Variants in USH2A observed in about 807,000 individuals in gnomAD.
USH2A encodes Usher syndrome 2A (autosomal recessive, mild).
In USH2A, 443 loss-of-function variants were observed where a neutral mutation model predicts 538.9. The ratio of observed to expected loss-of-function variants is 0.82; its 90% CI spans 0.76 to 0.89. USH2A has a LOEUF of 0.89. Ranked by LOEUF, USH2A falls within the 40% of genes least tolerant of loss-of-function variation. The pLI, the probability that USH2A is intolerant of heterozygous loss-of-function variation, is 0.00. For synonymous variants in USH2A, 2,413 were observed against 2,273.5 expected, an observed-to-expected ratio of 1.06 and a Z score of -1.75; for missense variants, 6,633 against 6,324.8, an observed-to-expected ratio of 1.05 and a Z score of -1.65.
At chr1:215,646,740 T>C (rs1317573384) in intron 67 of USH2A, among the ~76,000 whole-genome samples, 1 of 152,180 alleles carries the variant, frequency 6.6e-6, no homozygotes, top group Admixed American at 6.5e-5. Context: ...TTGGTCAGGC[T>C]GGTCTCGAAC....
chr1:215,944,325 C>T (rs1401901364), intron 37 of USH2A, among the ~76,000 whole-genome samples: 1 of 152,052 alleles, frequency 6.6e-6, no homozygotes, highest in Non-Finnish European at 1.5e-5. Flanking sequence ...AAAAGATTTG[C>T]CAACCTCTGA....
At chr1:216,126,458 C>T (rs565462687) in intron 21 of USH2A, among the ~76,000 whole-genome samples, 35 of 152,216 alleles carry the variant, frequency 2.3e-4, no homozygotes, top group African/African-American at 7.5e-4. Flanking sequence ...CTCCTGACCT[C>T]GTGATCTGCC....
Position 215,647,496 on chromosome 1 carries a change from T to C in USH2A, c.14791+26A>G, listed in dbSNP as rs768974309. On this transcript the variant is annotated intron_variant, in intron 67 of 71. Transcript: ENST00000307340. ...CTGACCACATTCCAATCTCTCTGGC[T>C]TATGGTAGCAGCCACTTATACTCAC... is the stretch of plus-strand genomic sequence containing the variant. 5.0e-6 allele frequency: 8 copies of C among 1,612,924 alleles called. 1 individual carries two copies. In the South Asian group the frequency reaches 8.8e-5, roughly 18 times the overall value.
chr1:216,107,221 A>G (rs1205481603), intron 21 of USH2A, among the ~76,000 whole-genome samples: 1 of 151,874 alleles, frequency 6.6e-6, no homozygotes. Flanking sequence ...AAGTACTAAG[A>G]AAGTCATTTA....
chr1:216,208,218 C>T lies in USH2A; in HGVS notation c.3158-787G>A, dbSNP rs190805882. ...AATACGCAAAGATAAAGGAGAAAAA[C>T]AACAGCTAAATATTTTTAGGGACAA... On this transcript the variant is annotated intron_variant, in intron 15 of 71. Coordinates refer to ENST00000307340, the MANE Select transcript of USH2A (RefSeq NM_206933.4). Among the ~76,000 whole-genome samples, 155 of 151,964 alleles carry T rather than the reference C, an allele frequency of 1.0e-3. 1 individual carries two copies. The highest frequency in any genetic ancestry group is 1.2e-3 in the South Asian group (6 of 4,814).
At chr1:216,299,036 G>T (rs907712528) in intron 9 of USH2A, among the ~76,000 whole-genome samples, 31 of 151,966 alleles carry the variant, frequency 2.0e-4, no homozygotes, top group African/African-American at 7.5e-4. Context: ...TAGAGACGGG[G>T]TTTCACCATG....
intron 21 of USH2A, among the ~76,000 whole-genome samples, chr1:216,165,837 G>A (rs1196498084): frequency 7.2e-6 from 1 of 139,396 alleles, no homozygotes; most frequent in Non-Finnish European, 1.5e-5. Context: ...AGGTGTTTTT[G>A]GGAACAGGCA....
At chr1:215,653,601 T>C (rs539795759) in intron 64 of USH2A, among the ~76,000 whole-genome samples, 1 of 152,344 alleles carries the variant, frequency 6.6e-6, no homozygotes, top group South Asian at 2.1e-4. Context: ...GTCTCTGTTA[T>C]ATCAAACCAC....
intron 36 of USH2A, among the ~76,000 whole-genome samples, chr1:215,968,953 G>A (rs1345307549): frequency 1.3e-5 from 2 of 151,970 alleles, no homozygotes; most frequent in Admixed American, 6.6e-5. Context: ...AGTCAATAAG[G>A]ACACATTAAA....
At chr1:215,954,424 T>C (rs755705964) in intron 37 of USH2A, among the ~76,000 whole-genome samples, 84 of 151,968 alleles carry the variant, frequency 5.5e-4, no homozygotes, top group Non-Finnish European at 7.2e-4. Flanking sequence ...GGGACATAGA[T>C]GAAGCTGGAA....
intron 21 of USH2A, among the ~76,000 whole-genome samples, chr1:216,121,248 G>T (rs1168146103): frequency 6.6e-6 from 1 of 151,882 alleles, no homozygotes; most frequent in Non-Finnish European, 1.5e-5. Context: ...GCTGCTAAAA[G>T]GTTAACTATG....
chr1:216,382,362 G>C (rs2038935890), intron 3 of USH2A, among the ~76,000 whole-genome samples: 1 of 152,090 alleles, frequency 6.6e-6, no homozygotes, highest in South Asian at 2.1e-4. Context: ...GAGTATTCTT[G>C]GTAAAGAACA....
At chr1:215,942,090 A>C (rs570699725) in intron 37 of USH2A, among the ~76,000 whole-genome samples, 1 of 152,094 alleles carries the variant, frequency 6.6e-6, no homozygotes, top group Non-Finnish European at 1.5e-5. Flanking sequence ...GAAGGTTCCA[A>C]TGAGGAAGGA....
chr1:215,841,070 C>G (rs913613012), intron 46 of USH2A, among the ~76,000 whole-genome samples: 1 of 152,118 alleles, frequency 6.6e-6, no homozygotes, highest in East Asian at 1.9e-4. Flanking sequence ...GAAAAACATT[C>G]CATGCTCATG....
At chr1:215,671,830 G>A (rs1166681913) in intron 63 of USH2A, among the ~76,000 whole-genome samples, 4 of 151,824 alleles carry the variant, frequency 2.6e-5, no homozygotes, top group African/African-American at 9.7e-5. Flanking sequence ...GGTCATGAAG[G>A]AACATCATGG....
In USH2A at chr1:216,325,650, G is replaced by A. The variant is rs147502944; in HGVS notation, c.849-51C>T. The A allele has an allele frequency of 6.4e-4, 1,002 of 1,558,636 alleles. 6 individuals carry two copies. The African/African-American group carries it at 0.012, about 19-fold the overall frequency. On this transcript the variant is annotated intron_variant, in intron 5 of 71. Transcript: ENST00000307340. ...AAGGACAAAGAGCTTAACAGTAATA[G>A]AACTTCTAGGAGTCGTTACAAATGA...
chr1:215,803,812 GC>G (rs1441796479), intron 49 of USH2A, among the ~76,000 whole-genome samples: 1 of 152,056 alleles, frequency 6.6e-6, no homozygotes, highest in Non-Finnish European at 1.5e-5. Context: ...CCAAAAAAGA[GC>G]CCACACTGCC....
chr1:215,680,322 T>G lies in USH2A; in HGVS notation c.12121A>C (p.Ile4041Leu). The G allele has an allele frequency of 6.2e-7, 1 of 1,614,064 alleles. No homozygotes were observed. The highest frequency in any genetic ancestry group is 8.5e-7 in the Non-Finnish European group (1 of 1,179,988). ...YGLEPFTTYR[I>L]GVVAANHAGE... Reference sequence around the variant, plus strand: ...GCATGGTTTGCAGCCACAACACCAATGCGATATGTTGTGAATGGTTCTAAC... The same window carrying G: ...GCATGGTTTGCAGCCACAACACCAAGGCGATATGTTGTGAATGGTTCTAAC... The change falls in exon 62 of 72, where the codon ATT becomes CTT. Residue 4041 changes from isoleucine (I) to leucine (L), a missense_variant. Physicochemically the swap from Ile to Leu is conservative, Grantham distance 5. Transcript: ENST00000307340.
intron 69 of USH2A, among the ~76,000 whole-genome samples, chr1:215,635,377 CT>C (rs1305695236): frequency 2.0e-5 from 3 of 152,118 alleles, no homozygotes; most frequent in African/African-American, 7.2e-5. Context: ...AGCCACTTAC[CT>C]TTGCTTGGCG....
Sources: allele counts gnomAD v4.1 joint callset (sites outside exome capture counted in the v4.1 genomes callset), GRCh38; gene constraint gnomAD v4.1.1; transcripts MANE v1.5; gene names NCBI Gene and HGNC (gene_info 2026-07-23, HGNC 2026-07-21).